Variants in MEIOSIN observed in about 807,000 individuals in gnomAD.
MEIOSIN encodes the protein meiosis initiator protein.
A neutral mutation model predicts 23.4 loss-of-function variants in MEIOSIN; 18 were observed. The ratio of observed to expected loss-of-function variants is 0.77; its 90% CI spans 0.53 to 1.14. The LOEUF (loss-of-function observed/expected upper bound fraction) is 1.14. Ranked by LOEUF, MEIOSIN falls within the 50% of genes most tolerant of loss-of-function variation. The probability of loss-of-function intolerance (pLI) is 0.00; values close to 1 mark genes in which losing one functional copy is unlikely to be tolerated. For missense variants in MEIOSIN, 428 were observed against 242.9 expected (o/e 1.76, Z -5.07); for synonymous variants, 187 against 100.6 (o/e 1.86, Z -5.14).
At chr19:45,748,032 C>A (rs190800809) in intron 4 of MEIOSIN, among the ~76,000 whole-genome samples, 1 of 151,478 alleles carries the variant, frequency 6.6e-6, no homozygotes, top group Admixed American at 6.6e-5. Context: ...TGCAATGAGT[C>A]GAGATCATAC....
intron 3 of MEIOSIN, among the ~76,000 whole-genome samples, chr19:45,741,054 T>C (rs994171713): frequency 7.9e-5 from 12 of 151,852 alleles, no homozygotes; most frequent in Non-Finnish European, 1.6e-4. Flanking sequence ...CCTTCTTCCA[T>C]AGAAAAATAT....
Position 45,764,125 on chromosome 19 carries a change from G to A in MEIOSIN, c.*7G>A, listed in dbSNP as rs903362991. ...GCCCCCGCACCTCCAGTGAGAGGGCGGCCCCTCGCCTCGCTCCCCTCACCC... is the reference window on the plus strand; with the variant it reads ...GCCCCCGCACCTCCAGTGAGAGGGCAGCCCCTCGCCTCGCTCCCCTCACCC... On this transcript the variant is annotated 3_prime_UTR_variant, in exon 15 of 15. Transcript: ENST00000457052. The A allele has an allele frequency of 4.3e-5, 17 of 398,462 alleles. No individual in the cohort carries two copies. Among genetic ancestry groups the A allele is most frequent in the African/African-American group, 2.5e-4 (12 of 48,632 alleles). The allele number at this position is 398,462 out of a possible 1,614,324, so 24.7% of individuals were successfully genotyped here.
At position 45,754,660 on chromosome 19, in the gene MEIOSIN, A is replaced by T. The variant is rs1194801324; in HGVS notation, c.738A>T (p.Lys246Asn). The change falls in exon 7 of 15, where the codon AAA becomes AAT. Residue 246 changes from lysine to asparagine, a missense_variant. Coordinates refer to ENST00000457052, the MANE Select transcript of MEIOSIN (RefSeq NM_001310124.2). Reference protein sequence around the residue: ...PASSSPPGDRKGGQSQLTLLD... With the variant: ...PASSSPPGDRNGGQSQLTLLD... ...CATCCTCACCTCCAGGTGACAGAAA[A>T]GGAGGACAGTCCCAGCTGACGCTGT... 4 of 702,946 alleles carry T rather than the reference A, an allele frequency of 5.7e-6. No homozygotes were observed. Among genetic ancestry groups the T allele is most frequent in the Non-Finnish European group, 1.0e-5 (4 of 385,020 alleles). The allele number at this position is 702,946 out of a possible 1,614,324, so 43.5% of individuals were successfully genotyped here. A position where few individuals can be genotyped will look rare whatever the true frequency, so the allele number is the denominator to read the frequency against.
Position 45,757,348 on chromosome 19 carries a change from C to A in MEIOSIN, c.1012+71C>A, listed in dbSNP as rs1042134465. 4.3e-5 allele frequency: 29 copies of A among 671,814 alleles called. No individual in the cohort carries two copies. In the African/African-American group the frequency reaches 4.4e-4, roughly 10 times the overall value. The allele number at this position is 671,814 out of a possible 1,614,324, so 41.6% of individuals were successfully genotyped here. A position where few individuals can be genotyped will look rare whatever the true frequency, so the allele number is the denominator to read the frequency against. ...TCCCATACTTTCAGTCTGAGGATGT[C>A]TATGGAAGAGAGGAGGCGGGAAAGG... is the stretch of plus-strand genomic sequence containing the variant. On this transcript the variant is annotated intron_variant, in intron 9 of 14. Transcript: ENST00000457052.
At chr19:45,757,051 C>A (rs1291747315) in intron 8 of MEIOSIN, 126 bp from the exon 9 acceptor site, 2 of 600,038 alleles carry the variant, frequency 3.3e-6, no homozygotes, top group Non-Finnish European at 6.0e-6. Context: ...AGGATGGGAG[C>A]CTCGACTGAC....
intron 14 of MEIOSIN, 26 bp downstream of exon 14, chr19:45,763,453 G>A (rs1428593415): frequency 2.5e-6 from 1 of 398,518 alleles, no homozygotes; most frequent in African/African-American, 2.1e-5. Flanking sequence ...CCCGAGGTGT[G>A]GGTGGGGGGT....
intron 2 of MEIOSIN, 83 bp downstream of exon 2, chr19:45,735,530 G>T: frequency 1.5e-6 from 1 of 649,970 alleles, no homozygotes; most frequent in Non-Finnish European, 2.8e-6. Context: ...AGCATTTACC[G>T]TTTGCTAGAC....
intron 4 of MEIOSIN, among the ~76,000 whole-genome samples, chr19:45,745,619 A>G (rs1433535063): frequency 6.6e-6 from 1 of 152,230 alleles, no homozygotes; most frequent in Non-Finnish European, 1.5e-5. Context: ...TCACAGCTAC[A>G]GAACTCTGGG....
intron 8 of MEIOSIN, among the ~76,000 whole-genome samples, chr19:45,756,694 G>A (rs933626771): frequency 1.3e-5 from 2 of 152,110 alleles, no homozygotes; most frequent in Non-Finnish European, 2.9e-5. Context: ...AGAGTGCTGG[G>A]ATTATAGGTA....
chr19:45,760,428 G>A (rs1378651481), intron 11 of MEIOSIN, among the ~76,000 whole-genome samples: 1 of 150,640 alleles, frequency 6.6e-6, no homozygotes. Flanking sequence ...CCATCATGGC[G>A]AAATACTATC....
In MEIOSIN at chr19:45,761,789, ATCCAGC is replaced by A. The variant is rs59054027; in HGVS notation, c.1389_1394del (p.Ser464_Ser465del). On this transcript the variant is annotated inframe_deletion, in exon 12 of 15. Transcript: ENST00000457052. Reference sequence around the variant, plus strand: ...CGCTGAGCGGGAACAGCAAGGCGCCATCCAGCTCCAGCTCCAGCTCCAGCTCCAGCT... The same window carrying A: ...CGCTGAGCGGGAACAGCAAGGCGCCATCCAGCTCCAGCTCCAGCTCCAGCT... 557 of 671,552 alleles carry A rather than the reference ATCCAGC, an allele frequency of 8.3e-4. 4 individuals carry two copies. Among genetic ancestry groups the A allele is most frequent in the African/African-American group, 3.2e-3 (179 of 55,922 alleles). The allele number at this position is 671,552 out of a possible 1,614,324, so 41.6% of individuals were successfully genotyped here.
intron 2 of MEIOSIN, among the ~76,000 whole-genome samples, chr19:45,739,187 T>C (rs772813307): frequency 3.9e-5 from 6 of 152,078 alleles, no homozygotes; most frequent in Non-Finnish European, 8.8e-5. Context: ...GGAGTCTTGC[T>C]CTGTCACCCA....
intron 2 of MEIOSIN, among the ~76,000 whole-genome samples, chr19:45,739,066 C>T (rs879901884): frequency 2.0e-5 from 3 of 152,090 alleles, no homozygotes; most frequent in Admixed American, 6.6e-5. Context: ...ATGATGTTGC[C>T]GGGAATCTGC....
chr19:45,757,005 G>T (rs556980818), intron 8 of MEIOSIN, among the ~76,000 whole-genome samples, 172 bp from the exon 9 acceptor site: 4 of 152,236 alleles, frequency 2.6e-5, no homozygotes, highest in Middle Eastern at 6.8e-3. Flanking sequence ...CACTGCTTAC[G>T]GGCTGGGCTA....
chr19:45,763,419 G>A lies in MEIOSIN; in HGVS notation c.1761G>A (p.Arg587=), dbSNP rs1051527564. ...LWRVMTQQER[R]PYCTKARRFS... ...GGGTGATGACCCAGCAGGAGCGGAG[G>A]CCATACTGGTGAGAGGCTCCGGCCC... Residue 587 remains arginine (R), a synonymous_variant, in exon 14 of 15, where the codon AGG becomes AGA. Coordinates refer to ENST00000457052, the MANE Select transcript of MEIOSIN (RefSeq NM_001310124.2). 2.5e-6 allele frequency: 1 copy of A among 398,696 alleles called. No individual in the cohort carries two copies. The highest frequency in any genetic ancestry group is 3.6e-5 in the East Asian group (1 of 28,078). The allele number at this position is 398,696 out of a possible 1,614,324, so 24.7% of individuals were successfully genotyped here.
intron 5 of MEIOSIN, among the ~76,000 whole-genome samples, chr19:45,753,342 C>T (rs892903901): frequency 1.3e-5 from 2 of 151,998 alleles, no homozygotes; most frequent in Admixed American, 1.3e-4. Context: ...TTGAGGAAGG[C>T]GGGAGGAGGT....
At chr19:45,749,948 G>A (rs1301140899) in intron 4 of MEIOSIN, among the ~76,000 whole-genome samples, 2 of 149,182 alleles carry the variant, frequency 1.3e-5, no homozygotes, top group African/African-American at 4.9e-5. Flanking sequence ...AAGTTGCAGT[G>A]AGCTGAGATC....
chr19:45,764,097 G>C lies in MEIOSIN; in HGVS notation c.1896G>C (p.Pro632=), dbSNP rs1600394961. The C allele has an allele frequency of 5.0e-6, 2 of 398,524 alleles. No individual in the cohort carries two copies. Among genetic ancestry groups the C allele is most frequent in the Non-Finnish European group, 8.8e-6 (2 of 226,064 alleles). The allele number at this position is 398,524 out of a possible 1,614,324, so 24.7% of individuals were successfully genotyped here. The change falls in exon 15 of 15, where the codon CCG becomes CCC. Residue 632 remains proline (P), a synonymous_variant. Coordinates refer to ENST00000457052, the MANE Select transcript of MEIOSIN (RefSeq NM_001310124.2). ...FYQLLAEKAL[P]LPPHLQ ...AGCTGCTGGCCGAGAAGGCCTTGCC[G>C]CTGCCCCCGCACCTCCAGTGAGAGG...
chr19:45,745,469 G>C, intron 4 of MEIOSIN, 148 bp downstream of exon 4: 1 of 577,508 alleles, frequency 1.7e-6, no homozygotes. Context: ...GGAATTTCCG[G>C]GAGTCTGTGA....
Sources: allele counts gnomAD v4.1 joint callset (sites outside exome capture counted in the v4.1 genomes callset), GRCh38; gene constraint gnomAD v4.1.1; transcripts MANE v1.5; gene names NCBI Gene and HGNC (gene_info 2026-07-23, HGNC 2026-07-21).